Variants in NCBP3 observed in about 807,000 individuals in gnomAD.
NCBP3 encodes the protein nuclear cap-binding protein subunit 3.
A neutral mutation model predicts 75.7 loss-of-function variants in NCBP3; 20 were observed. That is an observed-to-expected ratio of 0.26 (90% confidence interval 0.19 to 0.38). The LOEUF (loss-of-function observed/expected upper bound fraction) is 0.38. Ranked by LOEUF, NCBP3 falls within the 10% of genes least tolerant of loss-of-function variation. The probability of loss-of-function intolerance (pLI) is 1.00; values close to 1 mark genes in which losing one functional copy is unlikely to be tolerated. For synonymous variants in NCBP3, 293 were observed against 290.5 expected (o/e 1.01, Z -0.09); for missense variants, 678 against 796.9 (o/e 0.85, Z 1.80).
At position 3,846,169 on chromosome 17, in the gene NCBP3, G is replaced by A; in HGVS notation, c.55C>T (p.Pro19Ser). The A allele has an allele frequency of 6.6e-7, 1 of 1,524,872 alleles. No individual in the cohort carries two copies. Among genetic ancestry groups the A allele is most frequent in the Non-Finnish European group, 8.8e-7 (1 of 1,136,348 alleles). The allele number at this position is 1,524,872 out of a possible 1,614,324, so 94.5% of individuals were successfully genotyped here. A position where few individuals can be genotyped will look rare whatever the true frequency, so the allele number is the denominator to read the frequency against. ...VSVKAEAPAGPALGLPSPEAE... is the reference protein window; with the variant it reads ...VSVKAEAPAGSALGLPSPEAE... ...TCAGGGGACGGGAGCCCCAGGGCCG[G>A]CCCCGCCGGGGCCTCCGCCTTCACC... Residue 19 changes from proline to serine, a missense_variant, in exon 1 of 13, where the codon CCG (proline) becomes TCG (serine). Coordinates refer to ENST00000389005, the MANE Select transcript of NCBP3 (RefSeq NM_001114118.3). This position sits in a 1 kb window ranked among gnomAD's most constrained non-coding sequence, Gnocchi z 4.6.
intron 3 of NCBP3, among the ~76,000 whole-genome samples, chr17:3,832,100 C>T (rs1343958603): frequency 8.7e-6 from 1 of 115,538 alleles, no homozygotes; most frequent in Non-Finnish European, 2.1e-5. Flanking sequence ...AGGATAATCA[C>T]TCGAACCTGG....
chr17:3,837,041 G>A (rs902027466), intron 3 of NCBP3, among the ~76,000 whole-genome samples: 5 of 151,720 alleles, frequency 3.3e-5, no homozygotes, highest in Non-Finnish European at 7.4e-5. Context: ...CCAGCTACTC[G>A]GGAGGCTGAG....
intron 3 of NCBP3, among the ~76,000 whole-genome samples, chr17:3,835,294 T>C (rs2143699736): frequency 6.6e-6 from 1 of 152,380 alleles, no homozygotes; most frequent in East Asian, 1.9e-4. Flanking sequence ...CTAAGTGCTT[T>C]GGCTGCATAT....
chr17:3,839,473 G>A (rs558434896), intron 3 of NCBP3, among the ~76,000 whole-genome samples: 76 of 152,060 alleles, frequency 5.0e-4, no homozygotes, highest in Non-Finnish European at 5.3e-4. Flanking sequence ...TCAGCCTCCC[G>A]AGTAGCTGAG....
In NCBP3 at chr17:3,804,858, T is replaced by G. The variant is rs946456425; in HGVS notation, c.*8186A>C. 4 of 152,254 alleles carry G rather than the reference T, an allele frequency of 2.6e-5. No individual in the cohort carries two copies. The highest frequency in any genetic ancestry group is 9.6e-5 in the African/African-American group (4 of 41,464). 9.4% of individuals were successfully genotyped at this position (152,254 alleles called of 1,614,324 possible). ...AGGATGCTGCCTCTGAGAGGCCACA[T>G]AGCTAGTAAGGAGCAGAGCTGGGAC... On this transcript the variant is annotated 3_prime_UTR_variant, in exon 13 of 13. Coordinates refer to ENST00000389005, the MANE Select transcript of NCBP3 (RefSeq NM_001114118.3).
At chr17:3,837,775 T>C (rs1023941499) in intron 3 of NCBP3, among the ~76,000 whole-genome samples, 1 of 150,390 alleles carries the variant, frequency 6.6e-6, no homozygotes, top group African/African-American at 2.4e-5. Flanking sequence ...TAACTATCCC[T>C]GGGACCTATC....
At chr17:3,826,895 C>T (rs1032443707) in intron 4 of NCBP3, among the ~76,000 whole-genome samples, 19 of 151,796 alleles carry the variant, frequency 1.3e-4, no homozygotes, top group South Asian at 4.2e-4. Context: ...CGCCTGTGGT[C>T]CCAGCTACTC....
intron 10 of NCBP3, among the ~76,000 whole-genome samples, chr17:3,816,853 G>A (rs1364404734): frequency 3.3e-5 from 5 of 152,152 alleles, no homozygotes; most frequent in African/African-American, 4.8e-5. Flanking sequence ...CTAACATGGT[G>A]AAACCCAGTC....
intron 1 of NCBP3, among the ~76,000 whole-genome samples, chr17:3,845,825 GC>G (rs952704283): frequency 2.7e-5 from 4 of 149,870 alleles, no homozygotes; most frequent in Non-Finnish European, 4.4e-5. Context: ...CCACCCCCCA[GC>G]CCCCTCAACA....
Position 3,802,252 on chromosome 17 carries a change from C to T in NCBP3, c.*10792G>A, listed in dbSNP as rs940565996. 2 of 152,064 alleles carry T rather than the reference C, an allele frequency of 1.3e-5. No homozygotes were observed. Among genetic ancestry groups the T allele is most frequent in the African/African-American group, 4.8e-5 (2 of 41,388 alleles). The allele number at this position is 152,064 out of a possible 1,614,324, so 9.4% of individuals were successfully genotyped here. Reference sequence around the variant, plus strand: ...TAACACGAGTGTCTGCAGCCCCATTCGCTTTGAGATGTGAATGTGTTAACC... The same window carrying T: ...TAACACGAGTGTCTGCAGCCCCATTTGCTTTGAGATGTGAATGTGTTAACC... On this transcript the variant is annotated 3_prime_UTR_variant, in exon 13 of 13. Coordinates refer to ENST00000389005, the MANE Select transcript of NCBP3 (RefSeq NM_001114118.3).
intron 9 of NCBP3, 46 bp downstream of exon 9, chr17:3,821,203 T>A: frequency 7.4e-7 from 1 of 1,354,162 alleles, no homozygotes; most frequent in Non-Finnish European, 1.1e-6. Flanking sequence ...AAATATGATT[T>A]CAGGAGCCAA....
Position 3,824,975 on chromosome 17 carries a change from C to T in NCBP3, c.763G>A (p.Gly255Arg). Residue 255 changes from glycine to arginine, a missense_variant, in exon 7 of 13, where the codon GGA becomes AGA. Around this residue, in one of 7 missense-constraint regions of NCBP3, gnomAD observed 98 missense variants for 101.8 expected, o/e 0.96. Transcript: ENST00000389005. Reference protein sequence around the residue: ...DLRPANKLAKGNRLFMRFATK... With the variant: ...DLRPANKLAKRNRLFMRFATK... ...GCAAATCTCATGAATAACCTATTTC[C>T]TTTAGCAAGTTTGTTAGCTGGACGA... 1 of 1,544,092 alleles carries T rather than the reference C, an allele frequency of 6.5e-7. No individual in the cohort carries two copies. The highest frequency in any genetic ancestry group is 8.7e-7 in the Non-Finnish European group (1 of 1,143,120).
intron 7 of NCBP3, chr17:3,824,618 G>C (rs1029956937): frequency 5.2e-6 from 1 of 190,886 alleles, no homozygotes. Flanking sequence ...ATGTTCAGGA[G>C]GACGTTGCTG....
At chr17:3,813,394 G>A in intron 12 of NCBP3, 115 bp from the exon 13 acceptor site, 1 of 1,298,108 alleles carries the variant, frequency 7.7e-7, no homozygotes, top group Middle Eastern at 2.3e-4. Context: ...GCAGTCTGTG[G>A]AGCCTGCCAC....
chr17:3,804,428 G>A lies in NCBP3; in HGVS notation c.*8616C>T, dbSNP rs1775237759. On this transcript the variant is annotated 3_prime_UTR_variant, in exon 13 of 13. Coordinates refer to ENST00000389005, the MANE Select transcript of NCBP3 (RefSeq NM_001114118.3). ...CCAGGCGTGGCAGCGTGTGCCTGTA[G>A]CCCCAGCTTCGGGAGGCTATGGTGG... 1 of 152,318 alleles carries A rather than the reference G, an allele frequency of 6.6e-6. No individual in the cohort carries two copies. The highest frequency in any genetic ancestry group is 2.4e-5 in the African/African-American group (1 of 41,546). The allele number at this position is 152,318 out of a possible 1,614,324, so 9.4% of individuals were successfully genotyped here.
chr17:3,841,031 G>T (rs541751366), intron 2 of NCBP3, among the ~76,000 whole-genome samples: 1 of 152,176 alleles, frequency 6.6e-6, no homozygotes, highest in South Asian at 2.1e-4. Context: ...TCTGTCGCCA[G>T]GCTGCCACGA....
In NCBP3 at chr17:3,812,896, G is replaced by T; in HGVS notation, c.*148C>A. 1 of 1,457,824 alleles carries T rather than the reference G, an allele frequency of 6.9e-7. No individual in the cohort carries two copies. The highest frequency in any genetic ancestry group is 1.4e-5 in the South Asian group (1 of 69,588). 90.3% of individuals were successfully genotyped at this position (1,457,824 alleles called of 1,614,324 possible). On this transcript the variant is annotated 3_prime_UTR_variant, in exon 13 of 13. Transcript: ENST00000389005. ...CCTTGAAAATGTGTCACATTCTTAA[G>T]ATGTCTTGCCGAAGTAGCAAGAGCG... is the stretch of plus-strand genomic sequence containing the variant.
chr17:3,806,086 C>CTTTTTTTTTTT lies in NCBP3; in HGVS notation c.*6957_*6958insAAAAAAAAAAA, dbSNP rs377149279. The stretch of plus-strand genomic sequence containing the variant: ...AGGGACAGGAAGGTGAGAATCCTTT[C>CTTTTTTTTTTT]TTTTTTTTTTGAGACGGAGTCTCGC... On this transcript the variant is annotated 3_prime_UTR_variant, in exon 13 of 13. Coordinates refer to ENST00000389005, the MANE Select transcript of NCBP3 (RefSeq NM_001114118.3). 0.097 allele frequency: 14,278 copies of CTTTTTTTTTTT among 147,040 alleles called. 1,514 individuals are homozygous for CTTTTTTTTTTT. The highest frequency in any genetic ancestry group is 0.27 in the African/African-American group (10,393 of 38,700). The allele number at this position is 147,040 out of a possible 1,614,324, so 9.1% of individuals were successfully genotyped here.
chr17:3,813,249 G>A lies in NCBP3; in HGVS notation c.1658C>T (p.Pro553Leu). The change falls in exon 13 of 13, where the codon CCC becomes CTC. Residue 553 changes from proline (P) to leucine (L), a missense_variant. By Grantham distance (98) the Pro-to-Leu change is moderately conservative (BLOSUM62 -3). This residue lies in a region of NCBP3 where 365 missense variants were observed against 392.7 expected (regional missense o/e 0.93). Coordinates refer to ENST00000389005, the MANE Select transcript of NCBP3 (RefSeq NM_001114118.3). ...CTTCGTATTCTTTTCTTTGGTCTTG[G>A]GTGCAGATCCTAGGCGAGTCCATAA... ...GNLWTRLGSAPKTKEKNTKKV... is the reference protein window; with the variant it reads ...GNLWTRLGSALKTKEKNTKKV... The A allele has an allele frequency of 6.2e-7, 1 of 1,614,180 alleles. No homozygotes were observed. The highest frequency in any genetic ancestry group is 8.5e-7 in the Non-Finnish European group (1 of 1,180,036).
Sources: gnomAD v4.1 joint callset for allele counts (sites outside exome capture counted in the v4.1 genomes callset) on GRCh38, gnomAD v4.1.1 for gene constraint, gnomAD v4.1.1 regional missense constraint, Gnocchi (gnomAD v3.1) non-coding constraint, MANE v1.5 for transcripts, NCBI Gene and HGNC (gene_info 2026-07-23, HGNC 2026-07-21) for gene names.